The following IMMP2L variants were observed in gnomAD, a reference collection of about 807,000 sequenced individuals.
IMMP2L encodes inner mitochondrial membrane peptidase subunit 2, also known as mitochondrial inner membrane protease subunit 2.
IMMP2L carries 18 observed loss-of-function variants against 19.3 expected under a neutral mutation model. The observed-to-expected ratio is 0.93, with a 90% CI of 0.64 to 1.38. The LOEUF is 1.38. Ranked by LOEUF, IMMP2L falls within the 40% of genes most tolerant of loss-of-function variation. The pLI, the probability that IMMP2L is intolerant of heterozygous loss-of-function variation, is 0.00. For missense variants in IMMP2L, 233 were observed against 218.2 expected, an observed-to-expected ratio of 1.07 and a Z score of -0.43; for synonymous variants, 76 against 73.0, an observed-to-expected ratio of 1.04 and a Z score of -0.21.
intron 5 of IMMP2L, among the ~76,000 whole-genome samples, chr7:110,790,936 A>C (rs1190708096): frequency 1.3e-5 from 2 of 151,294 alleles, no homozygotes; most frequent in African/African-American, 4.9e-5. Context: ...TTGGAGAAGC[A>C]CCCCTGACAC....
At chr7:111,379,206 TAAAAAAA>T (rs11303513) in intron 3 of IMMP2L, among the ~76,000 whole-genome samples, 2 of 98,896 alleles carry the variant, frequency 2.0e-5, no homozygotes, top group South Asian at 6.4e-4. Context: ...ACCCTTATGG[TAAAAAAA>T]AAAAAAAAAA....
At chr7:111,071,761 C>G (rs542457284) in intron 3 of IMMP2L, among the ~76,000 whole-genome samples, 1 of 152,080 alleles carries the variant, frequency 6.6e-6, no homozygotes, top group Non-Finnish European at 1.5e-5. Context: ...TTAATGGGTA[C>G]AGTTTTTTTT....
At chr7:110,973,699 G>A (rs1460882061) in intron 3 of IMMP2L, among the ~76,000 whole-genome samples, 1 of 152,050 alleles carries the variant, frequency 6.6e-6, no homozygotes, top group Non-Finnish European at 1.5e-5. Flanking sequence ...TTCCTTGCAG[G>A]AAGCTGCTTT....
At chr7:111,021,021 G>C (rs1475682198) in intron 3 of IMMP2L, among the ~76,000 whole-genome samples, 4 of 152,116 alleles carry the variant, frequency 2.6e-5, no homozygotes, top group Non-Finnish European at 5.9e-5. Flanking sequence ...TTCCTCATTT[G>C]ACTTTAATTT....
intron 3 of IMMP2L, among the ~76,000 whole-genome samples, chr7:111,416,774 T>G (rs1332520599): frequency 1.3e-5 from 2 of 151,720 alleles, no homozygotes; most frequent in African/African-American, 2.4e-5. Context: ...GCTTACTTGC[T>G]CAGTAGGCAA....
chr7:110,959,394 T>A (rs1483632672), intron 4 of IMMP2L, among the ~76,000 whole-genome samples: 1 of 151,896 alleles, frequency 6.6e-6, no homozygotes, highest in Admixed American at 6.6e-5. Context: ...AATTTTTTAA[T>A]ATACTCTGGC....
chr7:111,464,253 C>T (rs949709854), intron 3 of IMMP2L, among the ~76,000 whole-genome samples: 6 of 152,146 alleles, frequency 3.9e-5, no homozygotes, highest in Admixed American at 2.0e-4. Context: ...GTGGGAGAAT[C>T]GTTTGAAGTC....
At chr7:110,790,010 T>C (rs1034546826) in intron 5 of IMMP2L, among the ~76,000 whole-genome samples, 5 of 151,758 alleles carry the variant, frequency 3.3e-5, no homozygotes, top group Non-Finnish European at 7.4e-5. Flanking sequence ...TGAGTCCTTA[T>C]ACATTTGTTA....
chr7:111,043,262 G>T (rs934183061), intron 3 of IMMP2L, among the ~76,000 whole-genome samples: 26 of 152,162 alleles, frequency 1.7e-4, no homozygotes, highest in South Asian at 4.1e-4. Context: ...CCTATGATTT[G>T]ATTTAAGTGG....
intron 3 of IMMP2L, among the ~76,000 whole-genome samples, chr7:111,150,213 GCTCT>G (rs997003332): frequency 5.3e-5 from 8 of 152,204 alleles, no homozygotes; most frequent in African/African-American, 1.9e-4. Context: ...AAAGATACAT[GCTCT>G]CTATTTTTAA....
At chr7:110,942,048 G>T (rs969718380) in intron 4 of IMMP2L, among the ~76,000 whole-genome samples, 2 of 151,940 alleles carry the variant, frequency 1.3e-5, no homozygotes, top group Non-Finnish European at 2.9e-5. Flanking sequence ...TTAGTGTACA[G>T]AATCTGTTGG....
intron 3 of IMMP2L, among the ~76,000 whole-genome samples, chr7:111,308,378 TGTA>T (rs1474440690): frequency 2.0e-5 from 3 of 151,964 alleles, no homozygotes; most frequent in African/African-American, 7.2e-5. Context: ...TTATTGGTGA[TGTA>T]GGAATCTGGA....
intron 3 of IMMP2L, among the ~76,000 whole-genome samples, chr7:111,426,270 A>T (rs1836065388): frequency 6.6e-6 from 1 of 151,240 alleles, no homozygotes; most frequent in Admixed American, 6.6e-5. Context: ...TTACATACTG[A>T]TTTTAGAAGA....
At chr7:110,956,792 T>C (rs968655007) in intron 4 of IMMP2L, among the ~76,000 whole-genome samples, 3 of 151,952 alleles carry the variant, frequency 2.0e-5, no homozygotes, top group African/African-American at 7.2e-5. Flanking sequence ...GGACTTCATT[T>C]CTGACTGGGC....
chr7:111,028,647 T>C (rs150477103), intron 3 of IMMP2L, among the ~76,000 whole-genome samples: 1 of 152,274 alleles, frequency 6.6e-6, no homozygotes, highest in African/African-American at 2.4e-5. Flanking sequence ...AATTTCAAGA[T>C]GGGCCTCATT....
chr7:111,302,505 T>C lies in IMMP2L; in HGVS notation c.239+184733A>G, dbSNP rs185356831. Among the ~76,000 whole-genome samples, 60 of 151,846 alleles carry C rather than the reference T, an allele frequency of 4.0e-4. No individual in the cohort carries two copies. In the East Asian group the frequency reaches 0.011, roughly 29 times the overall value. ...TGTCTAAAAGCTCTTTCGATAACTC[T>C]GTGTGTGTGTGTGCAGGCACATGCG... On this transcript the variant is annotated intron_variant, in intron 3 of 5. Transcript: ENST00000405709.
chr7:111,442,862 T>C (rs1022614978), intron 3 of IMMP2L, among the ~76,000 whole-genome samples: 2 of 151,900 alleles, frequency 1.3e-5, no homozygotes, highest in Non-Finnish European at 2.9e-5. Flanking sequence ...GCAAGTACTG[T>C]GAATAAAAAA....
At chr7:110,824,576 C>T (rs1803299932) in intron 5 of IMMP2L, among the ~76,000 whole-genome samples, 1 of 152,072 alleles carries the variant, frequency 6.6e-6, no homozygotes, top group Non-Finnish European at 1.5e-5. Flanking sequence ...CTATGTTGCC[C>T]AGGCTGGGCT....
rs144594873 is a variant in IMMP2L, at chr7:111,490,017, C to T, written c.136-2676G>A. ...TTCACCATATTGGCCAGGCTGGTCT[C>T]GAACTCCTGATCTCGTGATCCGCCC... is the stretch of plus-strand genomic sequence containing the variant. On this transcript the variant is annotated intron_variant, in intron 2 of 5. Transcript: ENST00000405709. Among the ~76,000 whole-genome samples, 280 of 150,938 alleles carry T rather than the reference C, an allele frequency of 1.9e-3. 1 individual carries two copies. Among genetic ancestry groups the T allele is most frequent in the African/African-American group, 5.7e-3 (233 of 41,108 alleles).
Sources: allele counts gnomAD v4.1 joint callset (sites outside exome capture counted in the v4.1 genomes callset), GRCh38; gene constraint gnomAD v4.1.1; transcripts MANE v1.5; gene names NCBI Gene and HGNC (gene_info 2026-07-23, HGNC 2026-07-21).